Variants in TBC1D30 observed in about 807,000 individuals in gnomAD.
TBC1D30 encodes the protein TBC1 domain family, member 30.
Under a neutral mutation model 63.2 loss-of-function variants are expected in TBC1D30, and 31 were observed. The observed-to-expected ratio is 0.49, with a 90% CI of 0.37 to 0.66. TBC1D30 has a LOEUF of 0.66. TBC1D30 is among the 30% of genes least tolerant of loss of function. The pLI, the probability that TBC1D30 is intolerant of heterozygous loss-of-function variation, is 0.00. For synonymous variants in TBC1D30, 307 were observed against 361.5 expected, an observed-to-expected ratio of 0.85 and a Z score of 1.71; for missense variants, 810 against 953.6, an observed-to-expected ratio of 0.85 and a Z score of 1.98.
Position 64,800,622 on chromosome 12 carries a change from C to T in TBC1D30, c.643+14577C>T, listed in dbSNP as rs1348461752. ...ATGTGGGAGGCTGCAGCAGAGATCC[C>T]TCAGGTACCACATGTAGACTGCGAG... On this transcript the variant is annotated intron_variant, in intron 2 of 12. Transcript: ENST00000542120. Among the ~76,000 whole-genome samples the T allele has an allele frequency of 2.0e-5, 3 of 152,100 alleles. No homozygotes were observed. In the East Asian group the frequency reaches 5.8e-4, roughly 30 times the overall value.
At chr12:64,826,374 G>A (rs1204913418) in intron 1 of TBC1D30, among the ~76,000 whole-genome samples, 1 of 152,178 alleles carries the variant, frequency 6.6e-6, no homozygotes, top group Non-Finnish European at 1.5e-5. Flanking sequence ...AGGTGCCCCG[G>A]AAAAGTCAGA....
exon 1 of TBC1D30, chr12:64,781,097 G>C: frequency 4.0e-6 from 4 of 1,004,568 alleles, no homozygotes; most frequent in Non-Finnish European, 4.7e-6. Flanking sequence ...AGAGGAGGAG[G>C]AGGCGGCGGG....
intron 1 of TBC1D30, among the ~76,000 whole-genome samples, chr12:64,769,529 A>G (rs1053900423): frequency 6.8e-6 from 1 of 146,752 alleles, no homozygotes. Flanking sequence ...GGCACATGCC[A>G]CCACGCTGGG....
intron 2 of TBC1D30, among the ~76,000 whole-genome samples, chr12:64,799,858 G>A (rs1338338522): frequency 6.6e-6 from 1 of 152,206 alleles, no homozygotes; most frequent in Non-Finnish European, 1.5e-5. Context: ...TGTAATCCCA[G>A]CACTTTGGGA....
At chr12:64,771,864 G>A (rs1293738834) in intron 1 of TBC1D30, among the ~76,000 whole-genome samples, 1 of 152,192 alleles carries the variant, frequency 6.6e-6, no homozygotes, top group Non-Finnish European at 1.5e-5. Context: ...AGTGGTGAAT[G>A]GCATTGGCTG....
intron 2 of TBC1D30, among the ~76,000 whole-genome samples, chr12:64,797,020 C>A (rs958036706): frequency 3.3e-5 from 3 of 90,410 alleles, no homozygotes; most frequent in Admixed American, 1.8e-4. Context: ...AAGTATCATT[C>A]TCCTCTGCAA....
intron 2 of TBC1D30, among the ~76,000 whole-genome samples, chr12:64,807,681 C>G (rs1341638550): frequency 1.3e-5 from 2 of 152,090 alleles, no homozygotes; most frequent in African/African-American, 4.8e-5. Context: ...GGATCAAAAG[C>G]TAAAGCATCC....
chr12:64,813,339 G>A (rs1347724617), intron 2 of TBC1D30, among the ~76,000 whole-genome samples: 3 of 152,014 alleles, frequency 2.0e-5, no homozygotes, highest in Non-Finnish European at 4.4e-5. Flanking sequence ...GCAGTGAGCC[G>A]AGATTGCGCC....
intron 1 of TBC1D30, among the ~76,000 whole-genome samples, chr12:64,760,305 C>T (rs1047651163): frequency 1.3e-5 from 2 of 152,038 alleles, no homozygotes; most frequent in Non-Finnish European, 1.5e-5. Flanking sequence ...CGCGGTGGCT[C>T]ACGCTTGTAA....
At chr12:64,803,718 G>A (rs1592566026) in intron 2 of TBC1D30, among the ~76,000 whole-genome samples, 1 of 152,196 alleles carries the variant, frequency 6.6e-6, no homozygotes, top group East Asian at 1.9e-4. Flanking sequence ...TCTACATATG[G>A]CTAGCCAGTT....
At chr12:64,770,831 G>A (rs1247292744) in intron 1 of TBC1D30, among the ~76,000 whole-genome samples, 5 of 150,618 alleles carry the variant, frequency 3.3e-5, no homozygotes, top group South Asian at 4.2e-4. Flanking sequence ...AGCCTCCCAC[G>A]TAGCTGGGAC....
chr12:64,838,466 A>G (rs1821507808), intron 6 of TBC1D30, among the ~76,000 whole-genome samples: 1 of 152,244 alleles, frequency 6.6e-6, no homozygotes, highest in Admixed American at 6.5e-5. Flanking sequence ...AGATTTCTGA[A>G]GTATTGTAAA....
At chr12:64,774,250 T>G (rs1303129339) in intron 1 of TBC1D30, among the ~76,000 whole-genome samples, 1 of 152,164 alleles carries the variant, frequency 6.6e-6, no homozygotes. Flanking sequence ...GAAGAAAGAA[T>G]GAAAAGGAAT....
intron 7 of TBC1D30, among the ~76,000 whole-genome samples, chr12:64,842,525 A>G (rs1875970362): frequency 6.6e-6 from 1 of 152,212 alleles, no homozygotes; most frequent in Non-Finnish European, 1.5e-5. Context: ...ACTGAATGCA[A>G]GAAGAGGTGT....
At chr12:64,807,667 T>C (rs1453033062) in intron 2 of TBC1D30, among the ~76,000 whole-genome samples, 3 of 152,184 alleles carry the variant, frequency 2.0e-5, no homozygotes, top group African/African-American at 7.2e-5. Flanking sequence ...ACCAAACTAA[T>C]CGTGGATCAA....
At chr12:64,818,130 A>G (rs1285776617) in intron 2 of TBC1D30, among the ~76,000 whole-genome samples, 1 of 151,860 alleles carries the variant, frequency 6.6e-6, no homozygotes, top group African/African-American at 2.4e-5. Context: ...ATGGTTCATC[A>G]TGACCAGGTT....
chr12:64,871,269 G>A (rs1319336265), intron 11 of TBC1D30, among the ~76,000 whole-genome samples: 1 of 152,188 alleles, frequency 6.6e-6, no homozygotes, highest in Non-Finnish European at 1.5e-5. Flanking sequence ...TTAAAAACCT[G>A]TGCCTTGCTG....
chr12:64,824,624 C>G (rs9804897), upstream of TBC1D30: 5,646 of 393,644 alleles, frequency 0.014, 79 homozygotes, highest in Middle Eastern at 0.044. Flanking sequence ...CCGCCCTCCC[C>G]GCCTCGAGCG....
intron 2 of TBC1D30, among the ~76,000 whole-genome samples, chr12:64,787,175 AAG>A (rs1247000000): frequency 2.6e-5 from 4 of 152,236 alleles, no homozygotes; most frequent in African/African-American, 9.6e-5. Context: ...AATCATAACT[AAG>A]AGCTGTGTGG....
Sources: allele counts gnomAD v4.1 joint callset (sites outside exome capture counted in the v4.1 genomes callset), GRCh38; gene constraint gnomAD v4.1.1; transcripts MANE v1.5; gene names NCBI Gene and HGNC (gene_info 2026-07-23, HGNC 2026-07-21).